PPP1R1C: variants seen among roughly 807,000 people sequenced by gnomAD.
PPP1R1C encodes the protein protein phosphatase 1 regulatory subunit 1C.
PPP1R1C carries 15 observed loss-of-function variants against 17.4 expected under a neutral mutation model. The observed-to-expected ratio is 0.86, with a 90% confidence interval of 0.58 to 1.33. PPP1R1C has a LOEUF of 1.33. Ranked by LOEUF, PPP1R1C falls within the 40% of genes most tolerant of loss-of-function variation. The pLI is 0.00. For missense variants in PPP1R1C, 143 were observed against 130.0 expected, an observed-to-expected ratio of 1.10 and a Z score of -0.48; for synonymous variants, 35 against 43.1, an observed-to-expected ratio of 0.81 and a Z score of 0.73.
intron 1 of PPP1R1C, 29 bp downstream of exon 1, chr2:181,986,220 C>G (rs368586067): frequency 6.6e-7 from 1 of 1,514,386 alleles, no homozygotes; most frequent in South Asian, 1.1e-5. Flanking sequence ...AGAACCATTC[C>G]TGTACATAAG....
chr2:181,975,513 T>C (rs1685080209), intron 2 of PPP1R1C, among the ~76,000 whole-genome samples: 1 of 152,016 alleles, frequency 6.6e-6, no homozygotes, highest in African/African-American at 2.4e-5. Context: ...GTTTTAACTA[T>C]GTAAAAAAAT....
At chr2:182,052,628 A>G (rs763795248) in intron 2 of PPP1R1C, among the ~76,000 whole-genome samples, 14 of 152,324 alleles carry the variant, frequency 9.2e-5, no homozygotes, top group Non-Finnish European at 1.9e-4. Context: ...CATTAATATG[A>G]CAAAAGTGAG....
At chr2:182,009,250 G>T (rs565144440) in intron 2 of PPP1R1C, among the ~76,000 whole-genome samples, 1 of 152,024 alleles carries the variant, frequency 6.6e-6, no homozygotes, top group Non-Finnish European at 1.5e-5. Flanking sequence ...CCCACCAGCA[G>T]CATGTGAGGG....
chr2:182,064,364 A>G (rs1048487174), intron 4 of PPP1R1C, among the ~76,000 whole-genome samples: 2 of 152,128 alleles, frequency 1.3e-5, no homozygotes. Flanking sequence ...TATCTTGACC[A>G]ACATCAGTTC....
chr2:182,039,372 G>GGTT (rs140171908), intron 2 of PPP1R1C, among the ~76,000 whole-genome samples: 5 of 151,810 alleles, frequency 3.3e-5, no homozygotes, highest in Admixed American at 6.6e-5. Flanking sequence ...GTGGGTTTTG[G>GGTT]GTTGTTGTTG....
intron 2 of PPP1R1C, among the ~76,000 whole-genome samples, chr2:182,030,274 A>T (rs1419000267): frequency 6.6e-6 from 1 of 152,124 alleles, no homozygotes; most frequent in Non-Finnish European, 1.5e-5. Flanking sequence ...GTTCCTTTGG[A>T]GGAGGAGAGG....
chr2:182,105,058 T>C (rs1268594156), intron 4 of PPP1R1C, among the ~76,000 whole-genome samples: 1 of 151,930 alleles, frequency 6.6e-6, no homozygotes, highest in African/African-American at 2.4e-5. Context: ...GGAAGAGATA[T>C]TGTAAAAAAA....
At chr2:182,107,320 G>T (rs1574458050) in intron 4 of PPP1R1C, among the ~76,000 whole-genome samples, 1 of 152,048 alleles carries the variant, frequency 6.6e-6, no homozygotes, top group Non-Finnish European at 1.5e-5. Flanking sequence ...TTCTAATCTA[G>T]GTATTAGAAT....
At chr2:182,074,798 C>G (rs1310155091) in intron 4 of PPP1R1C, among the ~76,000 whole-genome samples, 1 of 152,172 alleles carries the variant, frequency 6.6e-6, no homozygotes, top group African/African-American at 2.4e-5. Context: ...ACTAGATGCA[C>G]TCTTTCTGTT....
chr2:182,027,353 T>A (rs1686649504), intron 2 of PPP1R1C, among the ~76,000 whole-genome samples: 1 of 144,690 alleles, frequency 6.9e-6, no homozygotes. Flanking sequence ...GGGTCTGTCA[T>A]AGATAGCTCT....
At chr2:182,038,016 C>A (rs1356298930) in intron 2 of PPP1R1C, among the ~76,000 whole-genome samples, 3 of 151,754 alleles carry the variant, frequency 2.0e-5, no homozygotes, top group Non-Finnish European at 2.9e-5. Context: ...CAGGCAATTT[C>A]TATTTATATT....
At chr2:182,045,974 G>A (rs1687331454) in intron 2 of PPP1R1C, among the ~76,000 whole-genome samples, 1 of 152,034 alleles carries the variant, frequency 6.6e-6, no homozygotes, top group South Asian at 2.1e-4. Context: ...TATACAACAT[G>A]ATGTTTTGAT....
intron 4 of PPP1R1C, among the ~76,000 whole-genome samples, chr2:182,086,752 A>T (rs1688639925): frequency 6.6e-6 from 1 of 152,188 alleles, no homozygotes; most frequent in Non-Finnish European, 1.5e-5. Flanking sequence ...TATACTAATG[A>T]ATACATATAT....
At chr2:182,050,365 T>C (rs915723660) in intron 2 of PPP1R1C, among the ~76,000 whole-genome samples, 1 of 152,236 alleles carries the variant, frequency 6.6e-6, no homozygotes, top group East Asian at 1.9e-4. Flanking sequence ...TGCTATCTTG[T>C]ACCGTTCTTT....
At chr2:182,111,928 G>C in intron 4 of PPP1R1C, among the ~76,000 whole-genome samples, 1 of 152,156 alleles carries the variant, frequency 6.6e-6, no homozygotes, top group Non-Finnish European at 1.5e-5. Context: ...AAGTTTTTGC[G>C]ATAGGCACCA....
exon 6 of PPP1R1C, chr2:182,129,057 C>G (rs1285430759): frequency 6.6e-6 from 1 of 152,142 alleles, no homozygotes; most frequent in African/African-American, 2.4e-5. Flanking sequence ...CAACACAAAA[C>G]AAACACCACC....
chr2:181,960,977 C>T (rs1315209308), intron 1 of PPP1R1C, among the ~76,000 whole-genome samples: 2 of 152,124 alleles, frequency 1.3e-5, no homozygotes, highest in Non-Finnish European at 2.9e-5. Context: ...AAAAGATGGA[C>T]TCAGACCAGA....
At chr2:181,981,139 G>A (rs111550936), upstream of PPP1R1C, among the ~76,000 whole-genome samples, 1,942 of 151,680 alleles carry the variant, frequency 0.013, 10 homozygotes, top group Non-Finnish European at 0.019. Context: ...CGTTTTAGCC[G>A]GGATGGTCTC....
In PPP1R1C at chr2:182,117,360, A is replaced by G. The variant is rs1689619117; in HGVS notation, c.*65A>G. 1 of 1,182,890 alleles carries G rather than the reference A, an allele frequency of 8.5e-7. No individual in the cohort carries two copies. Among genetic ancestry groups the G allele is most frequent in the Non-Finnish European group, 1.2e-6 (1 of 825,172 alleles). The allele number at this position is 1,182,890 out of a possible 1,614,324, so 73.3% of individuals were successfully genotyped here. On this transcript the variant is annotated 3_prime_UTR_variant, in exon 5 of 5. Coordinates refer to ENST00000682840, the MANE Select transcript of PPP1R1C (RefSeq NM_001080545.3). ...AACTATTAACTTTTCTGAGTATACC[A>G]TGGAATTCCACTGCTTGACTTCCAG...
Sources: allele counts gnomAD v4.1 joint callset (sites outside exome capture counted in the v4.1 genomes callset), GRCh38; gene constraint gnomAD v4.1.1; transcripts MANE v1.5; gene names NCBI Gene and HGNC (gene_info 2026-07-23, HGNC 2026-07-21).